NFIC: variants seen among roughly 807,000 people sequenced by gnomAD.
NFIC encodes nuclear factor I C.
NFIC carries 12 observed loss-of-function variants against 54.4 expected under a neutral mutation model. The observed-to-expected ratio is 0.22, with a 90% CI of 0.14 to 0.36. The LOEUF is 0.36. Among genes scored for constraint, NFIC ranks in the 10% least tolerant of loss-of-function variants. The pLI is 1.00. For missense variants in NFIC, 575 were observed against 718.2 expected (o/e 0.80, Z 2.28); for synonymous variants, 322 against 319.2 (o/e 1.01, Z -0.09).
chr19:3,428,005 A>G (rs958480866), intron 3 of NFIC, among the ~76,000 whole-genome samples: 1 of 151,546 alleles, frequency 6.6e-6, no homozygotes, highest in African/African-American at 2.4e-5. Flanking sequence ...CCCTGTCTCT[A>G]CTGAATATAC....
intron 2 of NFIC, among the ~76,000 whole-genome samples, chr19:3,417,687 G>T (rs546950888): frequency 9.6e-5 from 14 of 146,468 alleles, no homozygotes; most frequent in African/African-American, 3.3e-4. Flanking sequence ...GTGCAGTGGC[G>T]CAATCTCGGC....
At chr19:3,382,689 C>T (rs1250942286) in intron 2 of NFIC, among the ~76,000 whole-genome samples, 2 of 132,008 alleles carry the variant, frequency 1.5e-5, no homozygotes, top group African/African-American at 2.9e-5. Context: ...CCTGGGAGAG[C>T]GTCTGACGCC....
At chr19:3,444,767 G>C (rs1057413093) in intron 6 of NFIC, among the ~76,000 whole-genome samples, 1 of 152,168 alleles carries the variant, frequency 6.6e-6, no homozygotes, top group Non-Finnish European at 1.5e-5. Flanking sequence ...CGTTCCCGCC[G>C]TGGCCCTGCG....
chr19:3,366,094 T>TG (rs2080877529), upstream of NFIC, among the ~76,000 whole-genome samples: 3 of 95,840 alleles, frequency 3.1e-5, no homozygotes, highest in South Asian at 1.1e-3. Context: ...GATGGGGGGG[T>TG]GGGGAGGGGG....
rs2080965348 is a variant in NFIC, at chr19:3,369,738, G to GGCCTCCCTCCCT, written c.30+3084_30+3095dup. Among the ~76,000 whole-genome samples the GGCCTCCCTCCCT allele has an allele frequency of 6.6e-6, 1 of 152,108 alleles. No individual in the cohort carries two copies. Among genetic ancestry groups the GGCCTCCCTCCCT allele is most frequent in the Non-Finnish European group, 1.5e-5 (1 of 67,986 alleles). On this transcript the variant is annotated intron_variant, in intron 1 of 10. Transcript: ENST00000443272. The surrounding 1 kb of genome is among the most constrained non-coding windows in gnomAD (Gnocchi z 4.3). ...GGCCGGCCTCCCCGCGCCTGCTCTG[G>GGCCTCCCTCCCT]GCCTCCCTCCCTGCCTCCCTCCCGC...
intron 10 of NFIC, 174 bp downstream of exon 10, chr19:3,456,809 C>A: frequency 1.5e-6 from 1 of 654,982 alleles, no homozygotes; most frequent in Non-Finnish European, 2.7e-6. Context: ...TCCCTGAGGC[C>A]AAATTTCCCT....
At chr19:3,388,763 G>C (rs770586703) in intron 2 of NFIC, among the ~76,000 whole-genome samples, 2 of 152,170 alleles carry the variant, frequency 1.3e-5, no homozygotes, top group African/African-American at 2.4e-5. Context: ...AGGAGTTGGA[G>C]GTTGCAGTGA....
intron 2 of NFIC, among the ~76,000 whole-genome samples, chr19:3,404,465 T>C (rs1212412524): frequency 6.6e-6 from 1 of 152,120 alleles, no homozygotes; most frequent in Non-Finnish European, 1.5e-5. Flanking sequence ...GGGTGGGCGC[T>C]TGGCAAGGCC....
chr19:3,376,253 G>C (rs2081104744), intron 1 of NFIC, among the ~76,000 whole-genome samples: 1 of 151,348 alleles, frequency 6.6e-6, no homozygotes, highest in Non-Finnish European at 1.5e-5. Flanking sequence ...AACATAGCAA[G>C]ACCCCCATCT....
At chr19:3,441,785 G>T (rs1021217148) in intron 6 of NFIC, among the ~76,000 whole-genome samples, 1 of 152,196 alleles carries the variant, frequency 6.6e-6, no homozygotes, top group African/African-American at 2.4e-5. Context: ...TCCGCAGAGG[G>T]AGGACACAAA....
intron 9 of NFIC, chr19:3,454,281 G>A (rs1195686714): frequency 9.1e-7 from 1 of 1,100,646 alleles, no homozygotes; most frequent in African/African-American, 1.6e-5. Context: ...TCGACCCCCA[G>A]ACTGGTCTTT....
At chr19:3,430,931 C>CAAAAAAAAA (rs59760975) in intron 3 of NFIC, among the ~76,000 whole-genome samples, 5 of 80,146 alleles carry the variant, frequency 6.2e-5, no homozygotes, top group South Asian at 4.6e-4. Context: ...GACTCCGTCT[C>CAAAAAAAAA]AAAAAAAAAA....
intron 1 of NFIC, among the ~76,000 whole-genome samples, chr19:3,374,812 T>A (rs2081077180): frequency 6.6e-6 from 1 of 151,924 alleles, no homozygotes; most frequent in Non-Finnish European, 1.5e-5. Context: ...AGAAACAGAG[T>A]GACAACCGGC....
intron 2 of NFIC, among the ~76,000 whole-genome samples, chr19:3,404,519 G>A (rs1166856993): frequency 2.0e-5 from 3 of 152,212 alleles, no homozygotes; most frequent in Admixed American, 1.3e-4. Flanking sequence ...AGAGGCTGCA[G>A]AGGGGCTGGG....
chr19:3,393,806 G>GAATCTA, intron 2 of NFIC, among the ~76,000 whole-genome samples: 1 of 103,820 alleles, frequency 9.6e-6, no homozygotes, highest in Non-Finnish European at 1.7e-5. Context: ...AACAGAGTGA[G>GAATCTA]ACTCTGTCTC....
At chr19:3,435,295 C>T in intron 6 of NFIC, 88 bp downstream of exon 6, 1 of 1,437,806 alleles carries the variant, frequency 7.0e-7, no homozygotes, top group East Asian at 2.6e-5. Flanking sequence ...TGCGCGGGCG[C>T]CGCGGGGCAG....
chr19:3,363,234 T>TGTGTGC (rs1555736612), upstream of NFIC, among the ~76,000 whole-genome samples: 79 of 62,238 alleles, frequency 1.3e-3, 1 homozygote, highest in Admixed American at 2.4e-3. Context: ...TGTATGTGTA[T>TGTGTGC]GTGTGTGTAT....
rs567688169 is a variant in NFIC, at chr19:3,417,086, C to A, written c.563-8020C>A. On this transcript the variant is annotated intron_variant, in intron 2 of 10. Transcript: ENST00000443272. Reference sequence around the variant, plus strand: ...ATTTTTAGTAGAGATGGGGTTTCACCATGTTAGCCAGGATGGTCTCGATCT... The same window carrying A: ...ATTTTTAGTAGAGATGGGGTTTCACAATGTTAGCCAGGATGGTCTCGATCT... Among the ~76,000 whole-genome samples the A allele has an allele frequency of 3.3e-3, 491 of 150,658 alleles. 7 individuals carry two copies. Among genetic ancestry groups the A allele is most frequent in the African/African-American group, 0.011 (475 of 41,378 alleles).
At chr19:3,413,703 G>A (rs995196657) in intron 2 of NFIC, among the ~76,000 whole-genome samples, 5 of 152,032 alleles carry the variant, frequency 3.3e-5, no homozygotes, top group African/African-American at 1.2e-4. Context: ...ACAATGGCGC[G>A]ATCTTGGCTC....
Sources: gnomAD v4.1 joint callset for allele counts (sites outside exome capture counted in the v4.1 genomes callset) on GRCh38, gnomAD v4.1.1 for gene constraint, Gnocchi (gnomAD v3.1) non-coding constraint, MANE v1.5 for transcripts, NCBI Gene and HGNC (gene_info 2026-07-23, HGNC 2026-07-21) for gene names.